CDH12: variants seen among roughly 807,000 people sequenced by gnomAD.
CDH12 encodes the protein cadherin 12.
A neutral mutation model predicts 74.1 loss-of-function variants in CDH12; 41 were observed. The observed-to-expected ratio is 0.55, with a 90% confidence interval of 0.43 to 0.72. The LOEUF is 0.72. Among genes scored for constraint, CDH12 ranks in the 30% least tolerant of loss-of-function variants. The pLI, the probability that CDH12 is intolerant of heterozygous loss-of-function variation, is 0.00. For synonymous variants in CDH12, 399 were observed against 355.0 expected (o/e 1.12, Z -1.39); for missense variants, 945 against 977.2 (o/e 0.97, Z 0.44).
intron 3 of CDH12, among the ~76,000 whole-genome samples, chr5:22,218,840 A>C (rs1561231265): frequency 6.6e-6 from 1 of 151,874 alleles, no homozygotes; most frequent in South Asian, 2.1e-4. Flanking sequence ...ATAACAATCT[A>C]TATGCCTTTA....
At chr5:22,731,719 T>C (rs913884129) in intron 1 of CDH12, among the ~76,000 whole-genome samples, 1 of 152,040 alleles carries the variant, frequency 6.6e-6, no homozygotes, top group East Asian at 1.9e-4. Flanking sequence ...TTACAGTGAA[T>C]TTACATGTCC....
chr5:22,809,391 A>T (rs1376718020), intron 1 of CDH12, among the ~76,000 whole-genome samples: 1 of 151,766 alleles, frequency 6.6e-6, no homozygotes, highest in African/African-American at 2.4e-5. Flanking sequence ...TATAAAATAT[A>T]AAATATAGGG....
intron 4 of CDH12, among the ~76,000 whole-genome samples, chr5:22,180,103 G>A (rs893380204): frequency 2.6e-5 from 4 of 152,158 alleles, no homozygotes; most frequent in Non-Finnish European, 4.4e-5. Context: ...GACATTCTTA[G>A]AAATTTTCTC....
intron 3 of CDH12, among the ~76,000 whole-genome samples, chr5:22,366,256 C>T (rs886940999): frequency 6.6e-6 from 1 of 152,134 alleles, no homozygotes; most frequent in African/African-American, 2.4e-5. Context: ...CACACCCACC[C>T]TCAGTCTATT....
chr5:22,379,927 A>AT (rs897315965), intron 3 of CDH12, among the ~76,000 whole-genome samples: 3 of 151,870 alleles, frequency 2.0e-5, no homozygotes, highest in African/African-American at 4.8e-5. Flanking sequence ...CCAATTTTTT[A>AT]TTTTTTATTT....
intron 3 of CDH12, among the ~76,000 whole-genome samples, chr5:22,330,328 T>A (rs947864068): frequency 6.6e-6 from 1 of 152,050 alleles, no homozygotes; most frequent in African/African-American, 2.4e-5. Flanking sequence ...AAAGAACCCT[T>A]GGGCCCTGAA....
chr5:22,314,008 G>A (rs1437536378), intron 3 of CDH12, among the ~76,000 whole-genome samples: 2 of 152,176 alleles, frequency 1.3e-5, no homozygotes, highest in Admixed American at 6.5e-5. Context: ...AAGAATGTAT[G>A]GTAGGGCTAG....
At chr5:22,753,268 T>A (rs1275139853) in intron 1 of CDH12, among the ~76,000 whole-genome samples, 1 of 151,854 alleles carries the variant, frequency 6.6e-6, no homozygotes, top group African/African-American at 2.4e-5. Context: ...GAACCCTGTC[T>A]CTATTAAAAA....
intron 10 of CDH12, among the ~76,000 whole-genome samples, chr5:21,785,458 G>T (rs1201435965): frequency 1.3e-5 from 2 of 152,204 alleles, no homozygotes; most frequent in Admixed American, 6.5e-5. Context: ...CAAAAGCTAG[G>T]CCTCTCATGC....
At chr5:22,315,614 C>T (rs1044302403) in intron 3 of CDH12, among the ~76,000 whole-genome samples, 2 of 152,020 alleles carry the variant, frequency 1.3e-5, no homozygotes, top group African/African-American at 4.8e-5. Context: ...CTAGAAAAGA[C>T]ATATGTATTA....
chr5:22,092,685 G>A (rs1472524999), intron 4 of CDH12, among the ~76,000 whole-genome samples: 2 of 152,058 alleles, frequency 1.3e-5, no homozygotes, highest in African/African-American at 4.8e-5. Flanking sequence ...TATTATTTTG[G>A]TAGTTCCTCA....
intron 1 of CDH12, among the ~76,000 whole-genome samples, chr5:22,666,021 C>T (rs537987588): frequency 1.3e-5 from 2 of 152,116 alleles, no homozygotes; most frequent in Non-Finnish European, 2.9e-5. Flanking sequence ...CAATTGCATA[C>T]TTCACATTCC....
At chr5:22,285,482 G>T (rs1290626088) in intron 3 of CDH12, among the ~76,000 whole-genome samples, 1 of 152,036 alleles carries the variant, frequency 6.6e-6, no homozygotes, top group Non-Finnish European at 1.5e-5. Flanking sequence ...GCTATGCTGA[G>T]CCTCATTTCC....
At chr5:22,652,816 A>G (rs954296416) in intron 1 of CDH12, among the ~76,000 whole-genome samples, 2 of 152,180 alleles carry the variant, frequency 1.3e-5, no homozygotes, top group African/African-American at 4.8e-5. Flanking sequence ...TTAGATAGTA[A>G]AAGATGATCA....
intron 4 of CDH12, among the ~76,000 whole-genome samples, chr5:22,167,230 T>C (rs1160864010): frequency 6.6e-6 from 1 of 152,192 alleles, no homozygotes; most frequent in Non-Finnish European, 1.5e-5. Flanking sequence ...AGAATCTCTC[T>C]GTTTATATTC....
chr5:21,895,782 A>C (rs1422479750), intron 6 of CDH12, among the ~76,000 whole-genome samples: 1 of 152,120 alleles, frequency 6.6e-6, no homozygotes, highest in Non-Finnish European at 1.5e-5. Context: ...ATTGAAGGTA[A>C]AGATCAGCAG....
At chr5:22,319,562 A>G (rs969397053) in intron 3 of CDH12, among the ~76,000 whole-genome samples, 1 of 152,190 alleles carries the variant, frequency 6.6e-6, no homozygotes, top group African/African-American at 2.4e-5. Flanking sequence ...GTACAATGAT[A>G]AAAAGTAAGA....
At chr5:21,832,048 G>A (rs1035971314) in intron 8 of CDH12, among the ~76,000 whole-genome samples, 3 of 151,974 alleles carry the variant, frequency 2.0e-5, no homozygotes, top group African/African-American at 7.2e-5. Flanking sequence ...AAGATTAGGG[G>A]CAATATCTTT....
At chr5:22,705,339 T>C (rs1473012585) in intron 1 of CDH12, among the ~76,000 whole-genome samples, 1 of 152,098 alleles carries the variant, frequency 6.6e-6, no homozygotes, top group Non-Finnish European at 1.5e-5. Flanking sequence ...TCAAACATAC[T>C]GTTTTTTCAT....
Sources: allele counts gnomAD v4.1 joint callset (sites outside exome capture counted in the v4.1 genomes callset), GRCh38; gene constraint gnomAD v4.1.1; transcripts MANE v1.5; gene names NCBI Gene and HGNC (gene_info 2026-07-23, HGNC 2026-07-21).